Variants in PPFIA2 observed in about 807,000 individuals in gnomAD.
The protein encoded by PPFIA2 is PPFI scaffold protein A2, also known as liprin-alpha-2.
In PPFIA2, 46 loss-of-function variants were observed where a neutral mutation model predicts 175.5. The observed-to-expected ratio is 0.26, with a 90% CI of 0.21 to 0.34. The LOEUF is 0.34. PPFIA2 is among the 10% of genes least tolerant of loss of function. PPFIA2 has a pLI of 1.00. For missense variants in PPFIA2, 1,179 were observed against 1,506.1 expected, an observed-to-expected ratio of 0.78 and a Z score of 3.60; for synonymous variants, 568 against 511.4, an observed-to-expected ratio of 1.11 and a Z score of -1.49.
At chr12:81,680,598 C>A (rs996759851) in intron 3 of PPFIA2, among the ~76,000 whole-genome samples, 1 of 151,858 alleles carries the variant, frequency 6.6e-6, no homozygotes, top group Non-Finnish European at 1.5e-5. Context: ...ACAAAGGAGG[C>A]AGTCTTATGA....
chr12:81,533,429 C>T lies in PPFIA2; in HGVS notation c.304-75563G>A, dbSNP rs532682453. On this transcript the variant is annotated intron_variant, in intron 4 of 32. Coordinates refer to ENST00000549396, the MANE Select transcript of PPFIA2 (RefSeq NM_003625.5). Reference sequence around the variant, plus strand: ...TAGGCCTAGGTTATTTAAAAAAGTACAACCTAGAAGATCTCAAATTTATGC... The same window carrying T: ...TAGGCCTAGGTTATTTAAAAAAGTATAACCTAGAAGATCTCAAATTTATGC... 3.3e-5 allele frequency among the ~76,000 whole-genome samples: 5 copies of T among 151,534 alleles called. No individual in the cohort carries two copies. In the East Asian group the frequency reaches 9.7e-4, roughly 29 times the overall value.
chr12:81,731,178 A>C (rs150430843), intron 3 of PPFIA2, among the ~76,000 whole-genome samples: 1 of 151,622 alleles, frequency 6.6e-6, no homozygotes, highest in African/African-American at 2.4e-5. Context: ...TGGGTCCTAC[A>C]CTGGCTGTTC....
intron 13 of PPFIA2, chr12:81,368,196 C>A (rs910877363): frequency 1.6e-6 from 2 of 1,262,360 alleles, no homozygotes; most frequent in African/African-American, 1.5e-5. Context: ...AACTGTAAAT[C>A]ACATTGCAGA....
intron 7 of PPFIA2, among the ~76,000 whole-genome samples, chr12:81,413,292 G>A (rs1224939151): frequency 1.3e-5 from 2 of 151,828 alleles, no homozygotes; most frequent in East Asian, 3.9e-4. Flanking sequence ...CATATGAGGA[G>A]TTGGAAAAAT....
intron 14 of PPFIA2, among the ~76,000 whole-genome samples, chr12:81,365,890 G>A (rs11114839): frequency 0.14 from 21,752 of 151,178 alleles, 2,249 homozygotes; most frequent in East Asian, 0.36. Context: ...GCAGCATCCA[G>A]TAGGGTTAAA....
chr12:81,675,199 T>TACAC (rs34965629), intron 4 of PPFIA2, among the ~76,000 whole-genome samples: 4 of 148,658 alleles, frequency 2.7e-5, no homozygotes, highest in South Asian at 2.1e-4. Flanking sequence ...TATACACACA[T>TACAC]ACACACACAC....
intron 4 of PPFIA2, among the ~76,000 whole-genome samples, chr12:81,597,235 T>C (rs1410810254): frequency 2.0e-5 from 3 of 152,114 alleles, no homozygotes; most frequent in Admixed American, 1.3e-4. Context: ...AAAAAGAAGA[T>C]AGAATCTGAT....
chr12:81,269,884 A>C (rs2038553336), intron 28 of PPFIA2, among the ~76,000 whole-genome samples: 1 of 151,870 alleles, frequency 6.6e-6, no homozygotes, highest in African/African-American at 2.4e-5. Context: ...AGTAGATTCC[A>C]CTTTGGGTTA....
At chr12:81,633,856 G>A (rs1222241094) in intron 4 of PPFIA2, among the ~76,000 whole-genome samples, 5 of 151,824 alleles carry the variant, frequency 3.3e-5, no homozygotes, top group Non-Finnish European at 5.9e-5. Context: ...GAGGAAGGTG[G>A]GTAATAGAGA....
At chr12:81,696,854 C>T (rs1455476113) in intron 3 of PPFIA2, among the ~76,000 whole-genome samples, 1 of 151,718 alleles carries the variant, frequency 6.6e-6, no homozygotes, top group African/African-American at 2.4e-5. Flanking sequence ...TATATGATCC[C>T]CCGCTACTAG....
intron 7 of PPFIA2, among the ~76,000 whole-genome samples, chr12:81,406,553 A>C (rs2042968034): frequency 6.6e-6 from 1 of 152,048 alleles, no homozygotes. Flanking sequence ...TAATGACATA[A>C]TTATTTCAAT....
At chr12:81,658,296 A>AAAG (rs1567747764) in intron 4 of PPFIA2, among the ~76,000 whole-genome samples, 6 of 9,586 alleles carry the variant, frequency 6.3e-4, no homozygotes, top group Non-Finnish European at 1.3e-3. Context: ...AAAAGAAAAG[A>AAAG]AAAAAAAAAA....
chr12:81,713,782 A>G (rs2078246731), intron 3 of PPFIA2, among the ~76,000 whole-genome samples: 2 of 151,296 alleles, frequency 1.3e-5, no homozygotes, highest in South Asian at 2.1e-4. Context: ...CATCAAAAAA[A>G]TTGATTGTGT....
At chr12:81,474,529 T>C (rs2057231749) in intron 4 of PPFIA2, among the ~76,000 whole-genome samples, 1 of 152,166 alleles carries the variant, frequency 6.6e-6, no homozygotes, top group Non-Finnish European at 1.5e-5. Context: ...TGACCTCAAG[T>C]GATCCGCCTG....
chr12:81,310,869 T>C (rs2050597303), intron 22 of PPFIA2, among the ~76,000 whole-genome samples: 1 of 152,122 alleles, frequency 6.6e-6, no homozygotes, highest in African/African-American at 2.4e-5. Flanking sequence ...AAAAATAATA[T>C]AAACCTTACT....
intron 8 of PPFIA2, among the ~76,000 whole-genome samples, chr12:81,396,362 C>CTA (rs1293405130): frequency 6.6e-6 from 1 of 151,954 alleles, no homozygotes; most frequent in East Asian, 1.9e-4. Context: ...ACATGCTGTG[C>CTA]TATAATACAT....
At position 81,566,869 on chromosome 12, in the gene PPFIA2, C is replaced by T. The variant is rs555278689; in HGVS notation, c.304-109003G>A. 1.1e-4 allele frequency among the ~76,000 whole-genome samples: 17 copies of T among 152,278 alleles called. No individual in the cohort carries two copies. The South Asian group carries it at 3.3e-3, about 30-fold the overall frequency. On this transcript the variant is annotated intron_variant, in intron 4 of 32. Transcript: ENST00000549396. Reference sequence around the variant, plus strand: ...TCATATATCTATGTTTATACACTGACATAGATGTATATCAGTACTCAACTG... The same window carrying T: ...TCATATATCTATGTTTATACACTGATATAGATGTATATCAGTACTCAACTG...
At chr12:81,341,567 T>C (rs986140719) in intron 19 of PPFIA2, among the ~76,000 whole-genome samples, 2 of 152,120 alleles carry the variant, frequency 1.3e-5, no homozygotes, top group African/African-American at 2.4e-5. Context: ...AAACGATTTA[T>C]GCACGGACCT....
chr12:81,317,258 G>A (rs1349335042), intron 22 of PPFIA2, among the ~76,000 whole-genome samples: 1 of 151,608 alleles, frequency 6.6e-6, no homozygotes, highest in Non-Finnish European at 1.5e-5. Flanking sequence ...GGGAAGCAGA[G>A]AGATAAAGCT....
Sources: allele counts gnomAD v4.1 joint callset (sites outside exome capture counted in the v4.1 genomes callset), GRCh38; gene constraint gnomAD v4.1.1; transcripts MANE v1.5; gene names NCBI Gene and HGNC (gene_info 2026-07-23, HGNC 2026-07-21).